FRS2: variants seen among roughly 807,000 people sequenced by gnomAD.
FRS2 encodes the protein FGFR signalling adaptor.
Under a neutral mutation model 43.9 loss-of-function variants are expected in FRS2, and 8 were observed. That is an observed-to-expected ratio of 0.18 (90% confidence interval 0.11 to 0.33). FRS2 has a LOEUF of 0.33. Among genes scored for constraint, FRS2 ranks in the 10% least tolerant of loss-of-function variants. The probability of loss-of-function intolerance (pLI) is 1.00; values close to 1 mark genes in which losing one functional copy is unlikely to be tolerated. For missense variants in FRS2, 534 were observed against 627.6 expected, an observed-to-expected ratio of 0.85 and a Z score of 1.59; for synonymous variants, 219 against 220.3, an observed-to-expected ratio of 0.99 and a Z score of 0.05.
chr12:69,486,420 T>C (rs904482161), intron 1 of FRS2: 1 of 152,248 alleles, frequency 6.6e-6, no homozygotes, highest in African/African-American at 2.4e-5. Context: ...GTGAACTTGA[T>C]CAATAAATGT....
At chr12:69,497,763 A>G (rs1873039815) in intron 1 of FRS2, among the ~76,000 whole-genome samples, 1 of 152,196 alleles carries the variant, frequency 6.6e-6, no homozygotes, top group Non-Finnish European at 1.5e-5. Flanking sequence ...AGCTGAGCTA[A>G]TTTGTTTCTT....
intron 1 of FRS2, among the ~76,000 whole-genome samples, chr12:69,489,635 A>C (rs920957072): frequency 2.0e-5 from 3 of 149,724 alleles, no homozygotes; most frequent in Non-Finnish European, 4.4e-5. Flanking sequence ...ATGCCACTGC[A>C]CTCCAGCCTG....
At position 69,575,127 on chromosome 12, in the gene FRS2, T is replaced by A. The variant is rs1287456765; in HGVS notation, c.*172T>A. The stretch of plus-strand genomic sequence containing the variant: ...GGAATTAATGTAGAGCAGGTACTCC[T>A]TAAAGAACACTAATTTCATTATATA... On this transcript the variant is annotated 3_prime_UTR_variant, in exon 9 of 9. Coordinates refer to ENST00000549921, the MANE Select transcript of FRS2 (RefSeq NM_001278356.2). 8.7e-6 allele frequency: 5 copies of A among 573,174 alleles called. No homozygotes were observed. Among genetic ancestry groups the A allele is most frequent in the East Asian group, 8.4e-5 (3 of 35,758 alleles). 35.5% of individuals were successfully genotyped at this position (573,174 alleles called of 1,614,324 possible). A position where few individuals can be genotyped will look rare whatever the true frequency, so the allele number is the denominator to read the frequency against.
rs531303078 is a variant in FRS2 at position 69,541,428 on chromosome 12, A to C, written c.-122+9372A>C. ...TACCTTAGAATGTATAATTTAACTGAAGGAAGCGTGTGTATGTGTGTTTGG... is the reference window on the plus strand; with the variant it reads ...TACCTTAGAATGTATAATTTAACTGCAGGAAGCGTGTGTATGTGTGTTTGG... On this transcript the variant is annotated intron_variant, in intron 3 of 8. Coordinates refer to ENST00000549921, the MANE Select transcript of FRS2 (RefSeq NM_001278356.2). 2.0e-5 allele frequency among the ~76,000 whole-genome samples: 3 copies of C among 152,286 alleles called. No homozygotes were observed. In the East Asian group the frequency reaches 5.8e-4, roughly 29 times the overall value.
At chr12:69,489,324 T>C (rs1216656541) in intron 1 of FRS2, among the ~76,000 whole-genome samples, 1 of 152,090 alleles carries the variant, frequency 6.6e-6, no homozygotes, top group African/African-American at 2.4e-5. Context: ...CCTTGGTTCT[T>C]TTTTTTGCAC....
intron 1 of FRS2, among the ~76,000 whole-genome samples, chr12:69,488,989 G>A (rs1373403603): frequency 1.3e-5 from 2 of 152,200 alleles, no homozygotes; most frequent in Non-Finnish European, 2.9e-5. Context: ...ACTTTTGTAA[G>A]TTTGATACAG....
chr12:69,502,771 T>C (rs1433918496), intron 1 of FRS2, among the ~76,000 whole-genome samples: 1 of 152,206 alleles, frequency 6.6e-6, no homozygotes, highest in Non-Finnish European at 1.5e-5. Context: ...TACCCCATTA[T>C]GATGACCTTT....
rs897953630 is a variant in FRS2 at position 69,483,049 on chromosome 12, C to A, written c.-261+12519C>A. Reference sequence around the variant, plus strand: ...TTAACATTCTATTTTGAAGTAGACTCACAGGAAGTTGGAAAATAATAGTCC... The same window carrying A: ...TTAACATTCTATTTTGAAGTAGACTAACAGGAAGTTGGAAAATAATAGTCC... On this transcript the variant is annotated intron_variant, in intron 1 of 8. Transcript: ENST00000549921. Among the ~76,000 whole-genome samples the A allele has an allele frequency of 4.6e-5, 7 of 152,172 alleles. No individual in the cohort carries two copies. In the South Asian group the frequency reaches 1.4e-3, roughly 32 times the overall value.
At chr12:69,530,349 A>G (rs1054681362) in intron 1 of FRS2, among the ~76,000 whole-genome samples, 5 of 151,814 alleles carry the variant, frequency 3.3e-5, no homozygotes, top group African/African-American at 1.2e-4. Flanking sequence ...TGAGGACTGA[A>G]GAGTTCTGGT....
intron 1 of FRS2, 66 bp downstream of exon 1, chr12:69,470,596 C>T (rs1382979159): frequency 2.5e-6 from 1 of 396,890 alleles, no homozygotes; most frequent in Non-Finnish European, 4.4e-6. Flanking sequence ...TTCTCGTGCC[C>T]CCGCTGCCCG....
chr12:69,502,866 TAGC>T (rs1277908851), intron 1 of FRS2, among the ~76,000 whole-genome samples: 1 of 152,256 alleles, frequency 6.6e-6, no homozygotes, highest in South Asian at 2.1e-4. Flanking sequence ...CTACCTACTC[TAGC>T]AGCAGCAGCA....
chr12:69,563,830 C>T (rs935459546), intron 4 of FRS2, among the ~76,000 whole-genome samples: 3 of 152,098 alleles, frequency 2.0e-5, no homozygotes, highest in Non-Finnish European at 4.4e-5. Flanking sequence ...ACCCTTATGT[C>T]TTTCCTCTCT....
intron 3 of FRS2, among the ~76,000 whole-genome samples, chr12:69,548,636 TCTG>T (rs1878618142): frequency 6.6e-6 from 1 of 152,214 alleles, no homozygotes; most frequent in Non-Finnish European, 1.5e-5. Flanking sequence ...AAATCAGGGT[TCTG>T]GCAGGAACCC....
At position 69,488,456 on chromosome 12, in the gene FRS2, CGT is replaced by C. The variant is rs890912669; in HGVS notation, c.-261+17927_-261+17928del. ...ATTAAGGTATGTGCGTTTTTTTAAA[CGT>C]AATGCTGTTGCACACTTAATAGACT... is the stretch of plus-strand genomic sequence containing the variant. On this transcript the variant is annotated intron_variant, in intron 1 of 8. Coordinates refer to ENST00000549921, the MANE Select transcript of FRS2 (RefSeq NM_001278356.2). Among the ~76,000 whole-genome samples the C allele has an allele frequency of 2.6e-4, 40 of 152,088 alleles. 1 individual carries two copies. Among genetic ancestry groups the C allele is most frequent in the Admixed American group, 2.6e-3 (39 of 15,262 alleles).
At chr12:69,470,823 CAT>C (rs1259912461) in intron 1 of FRS2, among the ~76,000 whole-genome samples, 2 of 152,160 alleles carry the variant, frequency 1.3e-5, no homozygotes, top group African/African-American at 4.8e-5. Context: ...CGACCCCCCT[CAT>C]GTGTGCTGCC....
chr12:69,570,318 C>T lies in FRS2; in HGVS notation c.67-13C>T. On this transcript the variant is annotated splice_polypyrimidine_tract_variant and intron_variant, in intron 5 of 8. Coordinates refer to ENST00000549921, the MANE Select transcript of FRS2 (RefSeq NM_001278356.2). Reference sequence around the variant, plus strand: ...GGTGACATATTTGCATGACTGTCACCTTCTTTTTTTAGGTCATTAATGTGG... The same window carrying T: ...GGTGACATATTTGCATGACTGTCACTTTCTTTTTTTAGGTCATTAATGTGG... The T allele has an allele frequency of 6.2e-7, 1 of 1,601,990 alleles. No individual in the cohort carries two copies. The highest frequency in any genetic ancestry group is 1.1e-5 in the South Asian group (1 of 90,766).
At chr12:69,518,496 C>T (rs554267848) in intron 1 of FRS2, among the ~76,000 whole-genome samples, 37 of 150,172 alleles carry the variant, frequency 2.5e-4, no homozygotes, top group African/African-American at 8.6e-4. Flanking sequence ...TGCTTGAGCT[C>T]AGGAGTTTGA....
chr12:69,486,323 T>C (rs1298649551), intron 1 of FRS2: 1 of 152,226 alleles, frequency 6.6e-6, no homozygotes, highest in African/African-American at 2.4e-5. Flanking sequence ...TTTCAAACTT[T>C]TTATCATTAT....
At chr12:69,487,805 G>A (rs984239863) in intron 1 of FRS2, among the ~76,000 whole-genome samples, 3 of 152,202 alleles carry the variant, frequency 2.0e-5, no homozygotes, top group Admixed American at 2.0e-4. Context: ...TGTGATTTAT[G>A]GGAGGAGGTA....
Sources: gnomAD v4.1 joint callset for allele counts (sites outside exome capture counted in the v4.1 genomes callset) on GRCh38, gnomAD v4.1.1 for gene constraint, MANE v1.5 for transcripts, NCBI Gene and HGNC (gene_info 2026-07-23, HGNC 2026-07-21) for gene names.